MTHFSD: variants seen among roughly 807,000 people sequenced by gnomAD.
MTHFSD encodes methenyltetrahydrofolate synthetase domain containing.
In MTHFSD, 37 loss-of-function variants were observed where a neutral mutation model predicts 31.1. That is an observed-to-expected ratio of 1.19 (90% confidence interval 0.91 to 1.56). The LOEUF (loss-of-function observed/expected upper bound fraction) is 1.56, where lower values mean the gene tolerates loss of function less well. Among genes scored for constraint, MTHFSD ranks in the 40% most tolerant of loss-of-function variants. MTHFSD has a pLI of 0.00. For missense variants in MTHFSD, 664 were observed against 510.1 expected (o/e 1.30, Z -2.91); for synonymous variants, 221 against 206.9 (o/e 1.07, Z -0.59).
Position 86,542,499 on chromosome 16 carries a change from C to T in MTHFSD, c.443-286G>A, listed in dbSNP as rs375712915. On this transcript the variant is annotated intron_variant, in intron 5 of 7. Transcript: ENST00000360900. This position sits in a 1 kb window ranked among gnomAD's most constrained non-coding sequence, Gnocchi z 4.6. ...GTCACAAAGGGAAACAGATCACACT[C>T]ATGTCAGCTTTATGTTAGCAAGACT... 6 of 345,938 alleles carry T rather than the reference C, an allele frequency of 1.7e-5. No homozygotes were observed. The highest frequency in any genetic ancestry group is 1.6e-5 in the Non-Finnish European group (3 of 190,738). 21.4% of individuals were successfully genotyped at this position (345,938 alleles called of 1,614,324 possible).
intron 2 of MTHFSD, chr16:86,552,431 T>A: frequency 2.9e-6 from 2 of 683,124 alleles, no homozygotes; most frequent in South Asian, 2.3e-5. Context: ...GCAGTCTAAG[T>A]AAGGAAAGGG....
chr16:86,555,128 C>A, intron 1 of MTHFSD, 41 bp downstream of exon 1: 2 of 1,532,318 alleles, frequency 1.3e-6, no homozygotes, highest in Non-Finnish European at 1.7e-6. Context: ...GGCTGTCCCT[C>A]CCCATTCCCA....
intron 7 of MTHFSD, 155 bp from the exon 8 acceptor site, chr16:86,532,636 C>A (rs1362549195): frequency 2.0e-6 from 1 of 491,050 alleles, no homozygotes; most frequent in African/African-American, 2.0e-5. Context: ...CACTGTCCCA[C>A]CCACTATCTC....
rs534988079 is a variant in MTHFSD at position 86,535,945 on chromosome 16, G to C, written c.682-3464C>G. ...AGCTCACTGCAGCCTTGAATACCCA[G>C]CTCCAAGTAATCCTTCTGGCTTAGC... On this transcript the variant is annotated intron_variant, in intron 7 of 7. Transcript: ENST00000360900. Among the ~76,000 whole-genome samples the C allele has an allele frequency of 7.4e-4, 113 of 152,212 alleles. 1 individual carries two copies. Among genetic ancestry groups the C allele is most frequent in the Non-Finnish European group, 1.3e-3 (86 of 68,010 alleles).
intron 7 of MTHFSD, chr16:86,533,313 T>C (rs1970232811): frequency 6.6e-6 from 1 of 152,298 alleles, no homozygotes. Flanking sequence ...GGGGGCTGCC[T>C]ATGGGTCAGG....
Position 86,532,257 on chromosome 16 carries a change from G to C in MTHFSD, c.906C>G (p.Ala302=), listed in dbSNP as rs764578963. The C allele has an allele frequency of 6.4e-7, 1 of 1,569,378 alleles. No homozygotes were observed. The highest frequency in any genetic ancestry group is 8.6e-7 in the Non-Finnish European group (1 of 1,159,078). ...AAPGSPPGEG[A]PLAADVYVGN... The stretch of plus-strand genomic sequence containing the variant: ...CAACGTAAACATCGGCTGCAAGCGG[G>C]GCACCCTCCCCTGGTGGGGAGCCAG... The change falls in exon 8 of 8, where the codon GCC becomes GCG. Residue 302 remains alanine (A), a synonymous_variant. Transcript: ENST00000360900.
chr16:86,532,281 AG>A lies in MTHFSD; in HGVS notation c.881del (p.Pro294LeufsTer26). The part of the protein sequence containing the change: ...GPETNSMEAA[P>X]GSPPGEGAPL... ...GGGCACCCTCCCCTGGTGGGGAGCCAGGGGCTGCCTCCATGGAATTGGTTTC... is the reference window on the plus strand; with the variant it reads ...GGGCACCCTCCCCTGGTGGGGAGCCAGGGCTGCCTCCATGGAATTGGTTTC... On this transcript the variant is annotated frameshift_variant, in exon 8 of 8. Coordinates refer to ENST00000360900, the MANE Select transcript of MTHFSD (RefSeq NM_001159377.2). LOFTEE classifies it low-confidence loss of function (END_TRUNC). The A allele has an allele frequency of 1.3e-6, 2 of 1,569,456 alleles. No individual in the cohort carries two copies. Among genetic ancestry groups the A allele is most frequent in the Non-Finnish European group, 8.6e-7 (1 of 1,160,474 alleles).
At chr16:86,547,424 C>G (rs1405712922) in intron 4 of MTHFSD, 32 of 985,652 alleles carry the variant, frequency 3.2e-5, no homozygotes, top group Non-Finnish European at 3.9e-5. Context: ...AGTGCTATGA[C>G]AAGTTCCGTA....
Position 86,542,256 on chromosome 16 carries a change from C to T in MTHFSD, c.443-43G>A. 6.5e-7 allele frequency: 1 copy of T among 1,528,188 alleles called. No homozygotes were observed. Among genetic ancestry groups the T allele is most frequent in the Admixed American group, 1.7e-5 (1 of 57,290 alleles). 94.7% of individuals were successfully genotyped at this position (1,528,188 alleles called of 1,614,324 possible). A position where few individuals can be genotyped will look rare whatever the true frequency, so the allele number is the denominator to read the frequency against. On this transcript the variant is annotated intron_variant, in intron 5 of 7. Coordinates refer to ENST00000360900, the MANE Select transcript of MTHFSD (RefSeq NM_001159377.2). This position sits in a 1 kb window ranked among gnomAD's most constrained non-coding sequence, Gnocchi z 4.6. ...ATCAGTATCGCTGTGCGGTCCGGGG[C>T]ATCGCTGAGAAGTGGATTTTCCATC...
chr16:86,539,211 G>T (rs540311104), intron 7 of MTHFSD, among the ~76,000 whole-genome samples: 4 of 152,322 alleles, frequency 2.6e-5, no homozygotes, highest in African/African-American at 9.6e-5. Flanking sequence ...CAGCCAAAGG[G>T]CTGGAGAGCC....
chr16:86,548,217 A>G (rs1972610760), intron 4 of MTHFSD: 3 of 1,046,224 alleles, frequency 2.9e-6, no homozygotes, highest in South Asian at 1.5e-5. Context: ...CTTTTCTTAC[A>G]ATAAGGAATT....
intron 2 of MTHFSD, among the ~76,000 whole-genome samples, chr16:86,553,944 A>G (rs1470526749): frequency 6.6e-6 from 1 of 152,168 alleles, no homozygotes; most frequent in Non-Finnish European, 1.5e-5. Context: ...TAGCTAATCT[A>G]GTGGGGAGGT....
At chr16:86,541,999 G>C (rs577629932) in intron 6 of MTHFSD, 102 bp downstream of exon 6, 1 of 1,339,676 alleles carries the variant, frequency 7.5e-7, no homozygotes. Flanking sequence ...CACACCACTC[G>C]CCACACAGCA....
At chr16:86,549,880 G>A (rs1972886777) in intron 3 of MTHFSD, among the ~76,000 whole-genome samples, 1 of 152,252 alleles carries the variant, frequency 6.6e-6, no homozygotes, top group African/African-American at 2.4e-5. Flanking sequence ...TCTGGGGTTG[G>A]GCCTGGGAAG....
At chr16:86,539,726 G>A (rs1432756663) in intron 7 of MTHFSD, among the ~76,000 whole-genome samples, 1 of 152,210 alleles carries the variant, frequency 6.6e-6, no homozygotes, top group African/African-American at 2.4e-5. Context: ...AGACTGGTCT[G>A]TAAGACAGGG....
intron 6 of MTHFSD, 115 bp from the exon 7 acceptor site, chr16:86,541,937 TG>T: frequency 6.8e-7 from 1 of 1,468,598 alleles, no homozygotes; most frequent in Non-Finnish European, 9.3e-7. Context: ...AAATCCACTC[TG>T]GGGCTAAGGC....
intron 7 of MTHFSD, among the ~76,000 whole-genome samples, chr16:86,537,915 C>G (rs147797090): frequency 6.6e-6 from 1 of 152,208 alleles, no homozygotes; most frequent in Non-Finnish European, 1.5e-5. Flanking sequence ...GTCAGATGCA[C>G]GGGCCTTGGT....
chr16:86,532,327 G>A lies in MTHFSD; in HGVS notation c.836C>T (p.Pro279Leu). The A allele has an allele frequency of 1.3e-6, 2 of 1,596,176 alleles. No homozygotes were observed. Among genetic ancestry groups the A allele is most frequent in the South Asian group, 1.1e-5 (1 of 87,868 alleles). Residue 279 changes from proline (P) to leucine (L), a missense_variant, in exon 8 of 8, where the codon CCC becomes CTC. Transcript: ENST00000360900. ...QTVPLSVGRR[P>L]PDTPGPETNS... The stretch of plus-strand genomic sequence containing the variant: ...GGTTTCTGGTCCGGGTGTGTCCGGG[G>A]GCCTCCTGCCAACACTCAGGGGCAC...
At chr16:86,534,554 C>T (rs1346475219) in intron 7 of MTHFSD, among the ~76,000 whole-genome samples, 3 of 152,172 alleles carry the variant, frequency 2.0e-5, no homozygotes, top group African/African-American at 4.8e-5. Context: ...ACCTCTATTC[C>T]ACCTTCTCAG....
Sources: allele counts gnomAD v4.1 joint callset (sites outside exome capture counted in the v4.1 genomes callset), GRCh38; gene constraint gnomAD v4.1.1; non-coding constraint Gnocchi (gnomAD v3.1); transcripts MANE v1.5; gene names NCBI Gene and HGNC (gene_info 2026-07-23, HGNC 2026-07-21).